CDKAL1: variants seen among roughly 807,000 people sequenced by gnomAD.
CDKAL1 encodes the protein CDKAL1 threonylcarbamoyladenosine tRNA methylthiotransferase, also known as threonylcarbamoyladenosine tRNA methylthiotransferase.
A neutral mutation model predicts 68.2 loss-of-function variants in CDKAL1; 32 were observed. The ratio of observed to expected loss-of-function variants is 0.47; its 90% CI spans 0.35 to 0.63. The LOEUF is 0.63. Among genes scored for constraint, CDKAL1 ranks in the 30% least tolerant of loss-of-function variants. CDKAL1 has a pLI of 0.00. For synonymous variants in CDKAL1, 234 were observed against 244.3 expected (o/e 0.96, Z 0.39); for missense variants, 606 against 696.7 (o/e 0.87, Z 1.47).
intron 5 of CDKAL1, among the ~76,000 whole-genome samples, chr6:20,723,408 G>A (rs770626328): frequency 8.5e-5 from 13 of 152,372 alleles, no homozygotes; most frequent in Non-Finnish European, 1.8e-4. Context: ...TGGGCCCTGC[G>A]CGGAGCTTGC....
chr6:20,598,768 G>A (rs1035061788), intron 4 of CDKAL1, among the ~76,000 whole-genome samples: 5 of 152,056 alleles, frequency 3.3e-5, no homozygotes, highest in African/African-American at 9.7e-5. Context: ...GATGAAAGGG[G>A]ACATTTATTT....
intron 8 of CDKAL1, among the ~76,000 whole-genome samples, chr6:20,805,700 A>G (rs1776543902): frequency 3.3e-5 from 5 of 152,230 alleles, no homozygotes; most frequent in Admixed American, 2.6e-4. Context: ...TGGAAAATCT[A>G]TTCTCAGCAG....
chr6:20,933,482 A>G (rs1468272755), intron 9 of CDKAL1, among the ~76,000 whole-genome samples: 1 of 152,270 alleles, frequency 6.6e-6, no homozygotes, highest in Non-Finnish European at 1.5e-5. Context: ...CAACTTTAGC[A>G]CATTTGCCTG....
chr6:21,005,134 A>G (rs902463590), intron 11 of CDKAL1, among the ~76,000 whole-genome samples: 15 of 152,098 alleles, frequency 9.9e-5, no homozygotes, highest in African/African-American at 3.6e-4. Context: ...TGAGAGAGTT[A>G]CTTCCCAATT....
At chr6:20,742,858 A>G (rs1367490048) in intron 6 of CDKAL1, among the ~76,000 whole-genome samples, 1 of 152,020 alleles carries the variant, frequency 6.6e-6, no homozygotes, top group East Asian at 1.9e-4. Context: ...TGTGGCAGGT[A>G]TATTACATTT....
intron 9 of CDKAL1, among the ~76,000 whole-genome samples, chr6:20,947,436 C>T (rs914089090): frequency 6.6e-6 from 1 of 151,842 alleles, no homozygotes; most frequent in Non-Finnish European, 1.5e-5. Context: ...ACAAAAAATA[C>T]AAAAATTTGC....
At chr6:20,571,669 A>G (rs1270911050) in intron 4 of CDKAL1, among the ~76,000 whole-genome samples, 5 of 152,018 alleles carry the variant, frequency 3.3e-5, no homozygotes, top group East Asian at 1.9e-4. Context: ...AGTGAAAATT[A>G]TTTGACTTGG....
intron 6 of CDKAL1, among the ~76,000 whole-genome samples, chr6:20,745,862 T>C (rs556051427): frequency 6.6e-6 from 1 of 152,380 alleles, no homozygotes; most frequent in East Asian, 1.9e-4. Context: ...AAATTGTTTA[T>C]TAATTGGTAT....
At chr6:20,977,524 G>A (rs984221363) in intron 10 of CDKAL1, among the ~76,000 whole-genome samples, 1 of 152,090 alleles carries the variant, frequency 6.6e-6, no homozygotes, top group Non-Finnish European at 1.5e-5. Flanking sequence ...GAAGAGTTTG[G>A]TCTATATTAT....
chr6:20,732,628 TCTGCA>T (rs1440870448), intron 5 of CDKAL1, among the ~76,000 whole-genome samples: 2 of 152,084 alleles, frequency 1.3e-5, no homozygotes, highest in African/African-American at 4.8e-5. Context: ...ATTCCCGTTG[TCTGCA>T]CTTGGTTCAC....
intron 6 of CDKAL1, among the ~76,000 whole-genome samples, chr6:20,747,693 A>G (rs192463348): frequency 9.8e-4 from 150 of 152,286 alleles, no homozygotes; most frequent in Non-Finnish European, 1.5e-3. Flanking sequence ...TTATTTTGCC[A>G]TTAAGTTATA....
At chr6:20,850,943 T>C (rs1032682286) in intron 9 of CDKAL1, among the ~76,000 whole-genome samples, 1 of 152,198 alleles carries the variant, frequency 6.6e-6, no homozygotes, top group East Asian at 1.9e-4. Context: ...ATGGACAGCA[T>C]TAAAGTAAAT....
rs190783796 is a variant in CDKAL1, at chr6:20,827,814, T to G, written c.639-18261T>G. Among the ~76,000 whole-genome samples, 440 of 152,322 alleles carry G rather than the reference T, an allele frequency of 2.9e-3. 3 individuals are homozygous for G. The highest frequency in any genetic ancestry group is 9.1e-3 in the African/African-American group (378 of 41,582). On this transcript the variant is annotated intron_variant, in intron 8 of 15. Coordinates refer to ENST00000274695, the MANE Select transcript of CDKAL1 (RefSeq NM_017774.3). ...TCATTGAATTACCACTTACATTTTC[T>G]TAAGACTGTCGATATACTTCTATGT...
intron 15 of CDKAL1, among the ~76,000 whole-genome samples, chr6:21,214,666 C>G (rs1779278737): frequency 6.6e-6 from 1 of 152,152 alleles, no homozygotes; most frequent in Non-Finnish European, 1.5e-5. Flanking sequence ...CCATCCAACA[C>G]AACCTAGTAC....
chr6:20,638,921 C>T (rs1183630890), intron 4 of CDKAL1, among the ~76,000 whole-genome samples: 3 of 152,044 alleles, frequency 2.0e-5, no homozygotes, highest in Non-Finnish European at 4.4e-5. Flanking sequence ...CATGAACCAC[C>T]GCGCCCGGCC....
At chr6:21,132,088 A>G (rs1009440512) in intron 13 of CDKAL1, among the ~76,000 whole-genome samples, 7 of 152,126 alleles carry the variant, frequency 4.6e-5, no homozygotes, top group Non-Finnish European at 1.0e-4. Context: ...AAGCATATAA[A>G]TTTTAGAAAG....
At chr6:21,162,984 G>A (rs1776987753) in intron 13 of CDKAL1, among the ~76,000 whole-genome samples, 1 of 152,040 alleles carries the variant, frequency 6.6e-6, no homozygotes, top group Admixed American at 6.6e-5. Context: ...AAAGGGGGAG[G>A]GAGGAAGAGA....
At chr6:20,993,737 A>G (rs971597105) in intron 10 of CDKAL1, among the ~76,000 whole-genome samples, 3 of 152,152 alleles carry the variant, frequency 2.0e-5, no homozygotes, top group Non-Finnish European at 4.4e-5. Flanking sequence ...CATTCAATTT[A>G]TTTTTTTCTT....
At chr6:20,551,826 C>A (rs1307364102) in intron 4 of CDKAL1, among the ~76,000 whole-genome samples, 1 of 151,878 alleles carries the variant, frequency 6.6e-6, no homozygotes, top group Non-Finnish European at 1.5e-5. Context: ...TATAATTTAG[C>A]CTGGGCTTGC....
Sources: gnomAD v4.1 joint callset for allele counts (sites outside exome capture counted in the v4.1 genomes callset) on GRCh38, gnomAD v4.1.1 for gene constraint, MANE v1.5 for transcripts, NCBI Gene and HGNC (gene_info 2026-07-23, HGNC 2026-07-21) for gene names.